Variants in TCERG1L observed in about 807,000 individuals in gnomAD.
The protein encoded by TCERG1L is transcription elongation regulator 1-like protein.
Under a neutral mutation model 56.3 loss-of-function variants are expected in TCERG1L, and 37 were observed. The ratio of observed to expected loss-of-function variants is 0.66; its 90% CI spans 0.51 to 0.87. The LOEUF (loss-of-function observed/expected upper bound fraction) is 0.87. TCERG1L is among the 40% of genes least tolerant of loss of function. The probability of loss-of-function intolerance (pLI) is 0.00; values close to 1 mark genes in which losing one functional copy is unlikely to be tolerated. For synonymous variants in TCERG1L, 324 were observed against 326.3 expected, an observed-to-expected ratio of 0.99 and a Z score of 0.08; for missense variants, 799 against 774.2, an observed-to-expected ratio of 1.03 and a Z score of -0.38.
chr10:131,247,345 C>CT (rs1383109300), intron 4 of TCERG1L, among the ~76,000 whole-genome samples: 1 of 152,172 alleles, frequency 6.6e-6, no homozygotes, highest in Non-Finnish European at 1.5e-5. Context: ...AAATTATATC[C>CT]TCGCCTTCCT....
intron 8 of TCERG1L, among the ~76,000 whole-genome samples, chr10:131,123,271 G>C (rs1302660150): frequency 3.3e-5 from 5 of 152,272 alleles, no homozygotes; most frequent in Middle Eastern, 6.8e-3. Flanking sequence ...AAGTAAATTG[G>C]GTGGTGTAAT....
intron 4 of TCERG1L, among the ~76,000 whole-genome samples, chr10:131,217,714 T>C (rs1337972727): frequency 2.5e-5 from 1 of 40,654 alleles, no homozygotes; most frequent in African/African-American, 1.2e-4. Flanking sequence ...TGCCCTTTTT[T>C]TTTTTTTTTT....
intron 4 of TCERG1L, among the ~76,000 whole-genome samples, chr10:131,254,302 A>ATATATATATATAT (rs1846145861): frequency 7.0e-6 from 1 of 142,804 alleles, no homozygotes; most frequent in South Asian, 2.2e-4. Flanking sequence ...ACTGGATTTA[A>ATATATATATATAT]ATATATATAT....
rs149098860 is a variant in TCERG1L at position 131,153,425 on chromosome 10, T to C, written c.1035-6765A>G. On this transcript the variant is annotated intron_variant, in intron 6 of 11. Transcript: ENST00000368642. Reference sequence around the variant, plus strand: ...CGTGCTCATTCCCTAGAGAATCAAATGCACTGAGACCCTAGAAACCTGTGT... The same window carrying C: ...CGTGCTCATTCCCTAGAGAATCAAACGCACTGAGACCCTAGAAACCTGTGT... Among the ~76,000 whole-genome samples the C allele has an allele frequency of 2.4e-3, 367 of 152,234 alleles. 2 individuals are homozygous for C. The South Asian group carries it at 0.029, about 12-fold the overall frequency.
At chr10:131,147,662 C>T (rs899685779) in intron 6 of TCERG1L, among the ~76,000 whole-genome samples, 48 of 152,372 alleles carry the variant, frequency 3.2e-4, no homozygotes, top group African/African-American at 1.1e-3. Flanking sequence ...TCAGAAGGTC[C>T]CTCTGGCTCC....
intron 4 of TCERG1L, among the ~76,000 whole-genome samples, chr10:131,223,916 C>T (rs544365850): frequency 4.6e-5 from 7 of 151,890 alleles, no homozygotes; most frequent in Non-Finnish European, 1.0e-4. Flanking sequence ...CCTGCTGAGC[C>T]CTGTCCCCTC....
Position 131,311,653 on chromosome 10 carries a change from A to G in TCERG1L, c.-18T>C. On this transcript the variant is annotated 5_prime_UTR_variant, in exon 1 of 12. Coordinates refer to ENST00000368642, the MANE Select transcript of TCERG1L (RefSeq NM_174937.4). This position sits in a 1 kb window ranked among gnomAD's most constrained non-coding sequence, Gnocchi z 4.0. ...GCCTGCATCCTACATCCCCGCGCTG[A>G]CGGCGGCGGCGGGGGCGGCGGGCGC... 9.3e-7 allele frequency: 1 copy of G among 1,074,494 alleles called. No individual in the cohort carries two copies. Among genetic ancestry groups the G allele is most frequent in the Non-Finnish European group, 1.1e-6 (1 of 883,090 alleles). The allele number at this position is 1,074,494 out of a possible 1,614,324, so 66.6% of individuals were successfully genotyped here. A position where few individuals can be genotyped will look rare whatever the true frequency, so the allele number is the denominator to read the frequency against.
At chr10:131,122,601 C>T (rs12412580) in intron 8 of TCERG1L, among the ~76,000 whole-genome samples, 28,332 of 152,202 alleles carry the variant, frequency 0.19, 3,097 homozygotes, top group Admixed American at 0.26. Context: ...CAGTCTCACC[C>T]CATGAGTCTC....
At chr10:131,193,017 GATAAATAA>G (rs146277373) in intron 4 of TCERG1L, among the ~76,000 whole-genome samples, 48 of 152,052 alleles carry the variant, frequency 3.2e-4, no homozygotes, top group East Asian at 1.9e-3. Flanking sequence ...GAAATAAAAT[GATAAATAA>G]ATAAATAAAT....
At chr10:131,211,817 G>A (rs969503030) in intron 4 of TCERG1L, among the ~76,000 whole-genome samples, 6 of 152,120 alleles carry the variant, frequency 3.9e-5, no homozygotes, top group East Asian at 1.9e-4. Flanking sequence ...TAGTGCAGAC[G>A]GCGGCTGGGA....
chr10:131,193,526 G>A (rs907150863), intron 4 of TCERG1L, among the ~76,000 whole-genome samples: 26 of 152,158 alleles, frequency 1.7e-4, no homozygotes, highest in Admixed American at 1.4e-3. Flanking sequence ...TTTGTATATT[G>A]TGAGAGATAA....
intron 3 of TCERG1L, among the ~76,000 whole-genome samples, chr10:131,271,052 T>C (rs1178807186): frequency 6.6e-6 from 1 of 152,188 alleles, no homozygotes; most frequent in Non-Finnish European, 1.5e-5. Context: ...CGTGACTTCC[T>C]GAAGACCCCA....
chr10:131,256,994 A>AAGGAAGGAAGGAAGGG (rs1554897149), intron 4 of TCERG1L, among the ~76,000 whole-genome samples: 1 of 69,080 alleles, frequency 1.4e-5, no homozygotes, highest in African/African-American at 5.4e-5. Context: ...GGAAGGAAGG[A>AAGGAAGGAAGGAAGGG]AAGAAAGAAA....
intron 3 of TCERG1L, among the ~76,000 whole-genome samples, chr10:131,275,307 T>A (rs1589769242): frequency 6.6e-6 from 1 of 152,004 alleles, no homozygotes; most frequent in African/African-American, 2.4e-5. Context: ...TCACCGGAGG[T>A]CTACAAGCAT....
chr10:131,160,891 G>A (rs2133428951), intron 6 of TCERG1L: 1 of 152,342 alleles, frequency 6.6e-6, no homozygotes, highest in African/African-American at 2.4e-5. Flanking sequence ...AGGGCTCAAG[G>A]TCAAGTCTTC....
chr10:131,197,168 G>A (rs1845374712), intron 4 of TCERG1L, among the ~76,000 whole-genome samples: 1 of 121,032 alleles, frequency 8.3e-6, no homozygotes, highest in Non-Finnish European at 1.7e-5. Context: ...GGGCCAAATA[G>A]TTTCCTTCTC....
intron 4 of TCERG1L, among the ~76,000 whole-genome samples, chr10:131,257,367 G>A (rs1174783245): frequency 1.3e-5 from 2 of 152,222 alleles, no homozygotes; most frequent in Admixed American, 6.5e-5. Flanking sequence ...CCCGGTTCAC[G>A]GCTGAATCTG....
intron 2 of TCERG1L, 47 bp from the exon 3 acceptor site, chr10:131,308,438 T>C: frequency 6.5e-7 from 1 of 1,530,092 alleles, no homozygotes; most frequent in South Asian, 1.2e-5. Context: ...AGGTGCATGA[T>C]AAAAGCTGAG....
intron 4 of TCERG1L, among the ~76,000 whole-genome samples, chr10:131,176,841 G>GA (rs1491224821): frequency 2.4e-3 from 37 of 15,152 alleles, no homozygotes; most frequent in Middle Eastern, 0.033. Context: ...TGTACACACA[G>GA]GCACATAGGA....
Sources: gnomAD v4.1 joint callset for allele counts (sites outside exome capture counted in the v4.1 genomes callset) on GRCh38, gnomAD v4.1.1 for gene constraint, Gnocchi (gnomAD v3.1) non-coding constraint, MANE v1.5 for transcripts, NCBI Gene and HGNC (gene_info 2026-07-23, HGNC 2026-07-21) for gene names.